COPS5: variants seen among roughly 807,000 people sequenced by gnomAD.
COPS5 encodes the protein COP9 signalosome complex subunit 5.
In COPS5, 8 loss-of-function variants were observed where a neutral mutation model predicts 44.4. The observed-to-expected ratio is 0.18, with a 90% confidence interval of 0.11 to 0.32. The LOEUF (loss-of-function observed/expected upper bound fraction) is 0.32, where lower values mean the gene tolerates loss of function less well. COPS5 is among the 10% of genes least tolerant of loss of function. The pLI is 1.00. For missense variants in COPS5, 159 were observed against 406.4 expected (o/e 0.39, Z 5.23); for synonymous variants, 122 against 142.8 (o/e 0.85, Z 1.04).
chr8:67,046,845 A>AAAAC (rs1563443897), intron 6 of COPS5, among the ~76,000 whole-genome samples: 21 of 150,384 alleles, frequency 1.4e-4, no homozygotes, highest in African/African-American at 4.4e-4. Flanking sequence ...AAAAAAAAAA[A>AAAAC]AAACAAACAC....
Position 67,059,400 on chromosome 8 carries a change from C to T in COPS5, c.189G>A (p.Leu63=), listed in dbSNP as rs1161160749. Residue 63 remains leucine, a synonymous_variant, in exon 2 of 8, where the codon CTG becomes CTA. Transcript: ENST00000357849. ...KYCKISALAL[L]KMVMHARSGG... is the part of the protein sequence containing the mutation. ...CCGATCTGGCATGCATCACCATCTTCAGCAGAGCCAATGCTGAGATTTTGC... is the reference window on the plus strand; with the variant it reads ...CCGATCTGGCATGCATCACCATCTTTAGCAGAGCCAATGCTGAGATTTTGC... 6.2e-7 allele frequency: 1 copy of T among 1,614,214 alleles called. No homozygotes were observed. Among genetic ancestry groups the T allele is most frequent in the Admixed American group, 1.7e-5 (1 of 60,022 alleles).
intron 5 of COPS5, among the ~76,000 whole-genome samples, chr8:67,054,324 T>A: frequency 6.6e-6 from 1 of 152,168 alleles, no homozygotes; most frequent in Non-Finnish European, 1.5e-5. Context: ...TACAACTCAA[T>A]ATAAATAAAA....
intron 3 of COPS5, 101 bp downstream of exon 3, chr8:67,057,982 C>A (rs924954280): frequency 3.9e-6 from 5 of 1,266,730 alleles, no homozygotes; most frequent in Non-Finnish European, 5.6e-6. Flanking sequence ...CAGACTGATA[C>A]CAGAGCAATT....
chr8:67,061,936 C>G lies in COPS5; in HGVS notation c.61G>C (p.Glu21Gln). Residue 21 changes from glutamate (E) to glutamine (Q), a missense_variant, in exon 1 of 8, where the codon GAA becomes CAA. Coordinates refer to ENST00000357849, the MANE Select transcript of COPS5 (RefSeq NM_006837.3). Reference protein sequence around the residue: ...KTWELANNMQEAQSIDEIYKY... With the variant: ...KTWELANNMQQAQSIDEIYKY... ...TAGATTTCATCGATACTCTGAGCTT[C>G]CTGCATGTTGTTGGCCAGTTCCCAG... 1 of 1,614,250 alleles carries G rather than the reference C, an allele frequency of 6.2e-7. No individual in the cohort carries two copies. Among genetic ancestry groups the G allele is most frequent in the Non-Finnish European group, 8.5e-7 (1 of 1,180,052 alleles).
At chr8:67,061,511 CCA>C (rs1024419819) in intron 1 of COPS5, 197 of 435,470 alleles carry the variant, frequency 4.5e-4, no homozygotes, top group Middle Eastern at 1.9e-3. Flanking sequence ...GCTGCAATCC[CCA>C]GTTTGGGATT....
intron 2 of COPS5, among the ~76,000 whole-genome samples, chr8:67,058,607 T>C (rs1432372569): frequency 6.6e-6 from 1 of 152,230 alleles, no homozygotes; most frequent in Non-Finnish European, 1.5e-5. Flanking sequence ...ATAATTTATT[T>C]AGCCAGTTTT....
chr8:67,056,502 G>T lies in COPS5; in HGVS notation c.659+17C>A. On this transcript the variant is annotated intron_variant, in intron 5 of 7. Transcript: ENST00000357849. ...GAGTCACCGTGCCTGGCCCAGATAT[G>T]TTTTTAAATTACTTACTGTTTGCAG... The T allele has an allele frequency of 1.0e-6, 1 of 981,858 alleles. No homozygotes were observed. Among genetic ancestry groups the T allele is most frequent in the Non-Finnish European group, 1.6e-6 (1 of 640,624 alleles). 60.8% of individuals were successfully genotyped at this position (981,858 alleles called of 1,614,324 possible).
At chr8:67,053,328 T>G (rs1804447281) in intron 5 of COPS5, among the ~76,000 whole-genome samples, 1 of 150,694 alleles carries the variant, frequency 6.6e-6, no homozygotes. Flanking sequence ...TGACCTCAAG[T>G]GATCCACCGC....
Position 67,057,292 on chromosome 8 carries a change from T to C in COPS5, c.573+88A>G, listed in dbSNP as rs1804527343. ...TGAGCCTAGGCGATGAAGGCTGTAG[T>C]ACACTATGATCATGCCTGTGAATAG... On this transcript the variant is annotated intron_variant, in intron 4 of 7. Transcript: ENST00000357849. The C allele has an allele frequency of 5.0e-6, 4 of 797,604 alleles. No individual in the cohort carries two copies. The East Asian group carries it at 1.0e-4, about 21-fold the overall frequency. 49.4% of individuals were successfully genotyped at this position (797,604 alleles called of 1,614,324 possible).
intron 4 of COPS5, 46 bp from the exon 5 acceptor site, chr8:67,056,650 AAAATATATATATATATATATAT>A (rs1318493051): frequency 0.011 from 818 of 74,538 alleles, 111 homozygotes; most frequent in Non-Finnish European, 0.013. Flanking sequence ...AAAAAAAAAA[AAAATATATATATATATATATAT>A]ATATATATAT....
At chr8:67,049,818 T>C (rs1354538556) in intron 6 of COPS5, among the ~76,000 whole-genome samples, 1 of 152,224 alleles carries the variant, frequency 6.6e-6, no homozygotes, top group East Asian at 1.9e-4. Flanking sequence ...AAACCCAGTT[T>C]ATTTAATTCT....
intron 6 of COPS5, among the ~76,000 whole-genome samples, chr8:67,050,909 CCA>C (rs1804404714): frequency 6.6e-6 from 1 of 152,022 alleles, no homozygotes; most frequent in African/African-American, 2.4e-5. Context: ...TTACTTGTAA[CCA>C]GAGTCCAAGC....
intron 1 of COPS5, chr8:67,060,267 C>A: frequency 2.1e-6 from 2 of 974,874 alleles, no homozygotes; most frequent in Non-Finnish European, 1.3e-6. Context: ...ATTAGAGCCA[C>A]AATTAGACAG....
intron 1 of COPS5, chr8:67,060,190 T>C: frequency 3.4e-6 from 1 of 293,310 alleles, no homozygotes; most frequent in Non-Finnish European, 5.6e-6. Context: ...CATCAGTGAA[T>C]TAAACTCTTG....
chr8:67,043,496 C>G (rs1484685517), intron 7 of COPS5, 179 bp from the exon 8 acceptor site: 1 of 478,420 alleles, frequency 2.1e-6, no homozygotes, highest in Non-Finnish European at 3.7e-6. Context: ...GTCTTTTTGA[C>G]CATTTCATTA....
intron 1 of COPS5, chr8:67,059,714 G>A (rs1804558600): frequency 2.8e-6 from 1 of 362,046 alleles, no homozygotes; most frequent in Non-Finnish European, 5.1e-6. Flanking sequence ...AACATGACCA[G>A]TTCAACAGAC....
chr8:67,056,358 A>C (rs1804501705), intron 5 of COPS5, among the ~76,000 whole-genome samples, 161 bp downstream of exon 5: 1 of 151,718 alleles, frequency 6.6e-6, no homozygotes, highest in African/African-American at 2.4e-5. Flanking sequence ...CATCTGGCTA[A>C]CTTTTATAAC....
At chr8:67,045,701 T>C in intron 7 of COPS5, 111 bp downstream of exon 7, 1 of 1,078,796 alleles carries the variant, frequency 9.3e-7, no homozygotes, top group Admixed American at 2.1e-5. Flanking sequence ...TCAGGTACCA[T>C]TCTAAGTTGT....
intron 3 of COPS5, 150 bp from the exon 4 acceptor site, chr8:67,057,595 GT>G (rs1164237048): frequency 2.2e-6 from 1 of 445,226 alleles, no homozygotes; most frequent in Admixed American, 3.9e-5. Flanking sequence ...TAAAAGTTCA[GT>G]AAGAGGGTAA....
Sources: gnomAD v4.1 joint callset for allele counts (sites outside exome capture counted in the v4.1 genomes callset) on GRCh38, gnomAD v4.1.1 for gene constraint, MANE v1.5 for transcripts, NCBI Gene and HGNC (gene_info 2026-07-23, HGNC 2026-07-21) for gene names.